The following SNX31 variants were observed in gnomAD, a reference collection of about 807,000 sequenced individuals.
SNX31 encodes the protein sorting nexin-31.
SNX31 carries 58 observed loss-of-function variants against 65.4 expected under a neutral mutation model. The observed-to-expected ratio is 0.89, with a 90% confidence interval of 0.72 to 1.10. SNX31 has a LOEUF of 1.10. Among genes scored for constraint, SNX31 ranks in the 50% least tolerant of loss-of-function variants. The pLI is 0.00. For synonymous variants in SNX31, 181 were observed against 190.1 expected (o/e 0.95, Z 0.39); for missense variants, 523 against 529.7 (o/e 0.99, Z 0.12).
At chr8:100,656,877 A>G in intron 1 of SNX31, among the ~76,000 whole-genome samples, 1 of 152,050 alleles carries the variant, frequency 6.6e-6, no homozygotes, top group Non-Finnish European at 1.5e-5. Context: ...CTTCATGTGT[A>G]ATGGTTGCTG....
At position 100,622,353 on chromosome 8, in the gene SNX31, C is replaced by T. The variant is rs117159484; in HGVS notation, c.322-4623G>A. Reference sequence around the variant, plus strand: ...GAAAAAGAACTAGCATAGTAGCGTCCGCAATGGGGCATTTTCCAGGTGTGG... The same window carrying T: ...GAAAAAGAACTAGCATAGTAGCGTCTGCAATGGGGCATTTTCCAGGTGTGG... On this transcript the variant is annotated intron_variant, in intron 4 of 13. Transcript: ENST00000311812. The surrounding 1 kb of genome is among the most constrained non-coding windows in gnomAD (Gnocchi z 5.0). Among the ~76,000 whole-genome samples, 1,783 of 152,140 alleles carry T rather than the reference C, an allele frequency of 0.012. 21 individuals are homozygous for T. The highest frequency in any genetic ancestry group is 0.016 in the Non-Finnish European group (1,089 of 68,004).
upstream of SNX31, among the ~76,000 whole-genome samples, chr8:100,654,591 C>T (rs548234680): frequency 6.6e-5 from 10 of 152,346 alleles, no homozygotes; most frequent in East Asian, 1.9e-4. Context: ...TGCTGGGAAT[C>T]GAGCCATGGC....
chr8:100,633,219 A>T lies in SNX31; in HGVS notation c.256+2678T>A, dbSNP rs115135634. On this transcript the variant is annotated intron_variant, in intron 3 of 13. Transcript: ENST00000311812. ...GCTGGAATTGCAGGCATGAGCTACC[A>T]TGCCGAGCCTAATTGTTGGTGAAGT... 7.3e-3 allele frequency among the ~76,000 whole-genome samples: 1,104 copies of T among 151,928 alleles called. 16 individuals are homozygous for T. Among genetic ancestry groups the T allele is most frequent in the African/African-American group, 0.025 (1,054 of 41,444 alleles).
chr8:100,639,686 A>G (rs1453612277), intron 2 of SNX31, among the ~76,000 whole-genome samples: 2 of 149,882 alleles, frequency 1.3e-5, no homozygotes, highest in Non-Finnish European at 3.0e-5. Context: ...ATACACACAT[A>G]TATTTCCTTG....
chr8:100,663,239 AC>A (rs35004145), exon 1 of SNX31: 90,540 of 151,898 alleles, frequency 0.6, 29,572 homozygotes, highest in African/African-American at 0.88. Context: ...CTGCGCAGAT[AC>A]CCCCCCCAAT....
At position 100,604,432 on chromosome 8, in the gene SNX31, C is replaced by T. The variant is rs926185551; in HGVS notation, c.682-3991G>A. ...GCCGGCACTGGCCACTCGGCTCTGG[C>T]GAAAGCATGGTGGAGAAGGGCAAGG... On this transcript the variant is annotated intron_variant, in intron 8 of 13. Transcript: ENST00000311812. The surrounding 1 kb of genome is among the most constrained non-coding windows in gnomAD (Gnocchi z 4.3). Among the ~76,000 whole-genome samples the T allele has an allele frequency of 4.6e-5, 7 of 152,288 alleles. No individual in the cohort carries two copies. Among genetic ancestry groups the T allele is most frequent in the South Asian group, 2.1e-4 (1 of 4,820 alleles).
At chr8:100,634,720 G>T (rs1338129121) in intron 3 of SNX31, among the ~76,000 whole-genome samples, 1 of 150,412 alleles carries the variant, frequency 6.6e-6, no homozygotes, top group African/African-American at 2.5e-5. Context: ...CTGCACTCCA[G>T]CCTGGGCGAC....
intron 2 of SNX31, among the ~76,000 whole-genome samples, chr8:100,639,137 C>G (rs1263519595): frequency 6.6e-6 from 1 of 152,154 alleles, no homozygotes; most frequent in East Asian, 1.9e-4. Flanking sequence ...ATGCATGACA[C>G]TATGCATTAG....
At chr8:100,644,599 G>C (rs1308689941) in intron 2 of SNX31, among the ~76,000 whole-genome samples, 1 of 152,226 alleles carries the variant, frequency 6.6e-6, no homozygotes, top group African/African-American at 2.4e-5. Context: ...GAGGATGACA[G>C]AGGGCGCAGG....
At chr8:100,623,541 T>C (rs1260778133) in intron 4 of SNX31, among the ~76,000 whole-genome samples, 2 of 152,118 alleles carry the variant, frequency 1.3e-5, no homozygotes, top group Non-Finnish European at 2.9e-5. Context: ...CACTTCCTAT[T>C]AGTCACAGAG....
At position 100,588,831 on chromosome 8, in the gene SNX31, A is replaced by C. The variant is rs201230851; in HGVS notation, c.1092+35T>G. 6.7e-7 allele frequency: 1 copy of C among 1,490,008 alleles called. No homozygotes were observed. The highest frequency in any genetic ancestry group is 1.4e-5 in the African/African-American group (1 of 72,472). The allele number at this position is 1,490,008 out of a possible 1,614,324, so 92.3% of individuals were successfully genotyped here. ...CCAGCAAGCAAGACAGCATTTCAGCACAGAGGGTGTTCAAGGTCTGCCCTG... is the reference window on the plus strand; with the variant it reads ...CCAGCAAGCAAGACAGCATTTCAGCCCAGAGGGTGTTCAAGGTCTGCCCTG... On this transcript the variant is annotated intron_variant, in intron 11 of 13. Coordinates refer to ENST00000311812, the MANE Select transcript of SNX31 (RefSeq NM_152628.4). The surrounding 1 kb of genome is among the most constrained non-coding windows in gnomAD (Gnocchi z 4.8).
At chr8:100,657,601 T>G in intron 1 of SNX31, 1 of 449,928 alleles carries the variant, frequency 2.2e-6, no homozygotes. Flanking sequence ...GAGTCCAGAC[T>G]GTGCTTGGAT....
intron 4 of SNX31, among the ~76,000 whole-genome samples, chr8:100,627,837 A>C (rs2093486303): frequency 6.6e-6 from 1 of 152,190 alleles, no homozygotes; most frequent in South Asian, 2.1e-4. Flanking sequence ...GCACCCGGGC[A>C]TTAAAAAGCA....
intron 12 of SNX31, among the ~76,000 whole-genome samples, chr8:100,583,158 A>G (rs1410139171): frequency 6.6e-6 from 1 of 150,666 alleles, no homozygotes; most frequent in African/African-American, 2.4e-5. Flanking sequence ...CCAGGCTGGA[A>G]TGTAATGGTG....
In SNX31 at chr8:100,614,863, G is replaced by C. The variant is rs370498519; in HGVS notation, c.433-1778C>G. ...CATTGCATTCCAGCCTAGGCAACAA[G>C]AGTGAAACTCCATTTCAAAACAACA... On this transcript the variant is annotated intron_variant, in intron 5 of 13. Transcript: ENST00000311812. This position sits in a 1 kb window ranked among gnomAD's most constrained non-coding sequence, Gnocchi z 5.1. Among the ~76,000 whole-genome samples, 47 of 152,152 alleles carry C rather than the reference G, an allele frequency of 3.1e-4. No homozygotes were observed. Among genetic ancestry groups the C allele is most frequent in the African/African-American group, 1.0e-3 (43 of 41,420 alleles).
At chr8:100,663,145 T>A (rs901340565) in exon 1 of SNX31, 1 of 152,244 alleles carries the variant, frequency 6.6e-6, no homozygotes, top group African/African-American at 2.4e-5. Context: ...AACCTACCTT[T>A]CGCGCAGCGC....
intron 2 of SNX31, among the ~76,000 whole-genome samples, chr8:100,638,713 C>T (rs577039239): frequency 7.3e-4 from 111 of 152,280 alleles, no homozygotes; most frequent in African/African-American, 2.4e-3. Context: ...TATAATCCAG[C>T]GATAAATACC....
chr8:100,652,932 A>G (rs1819999954), upstream of SNX31, among the ~76,000 whole-genome samples: 1 of 152,180 alleles, frequency 6.6e-6, no homozygotes, highest in Non-Finnish European at 1.5e-5. Context: ...CCCAACAGTC[A>G]AGGCTGTGGC....
At chr8:100,650,417 G>T (rs572553253), upstream of SNX31, among the ~76,000 whole-genome samples, 16 of 152,250 alleles carry the variant, frequency 1.1e-4, no homozygotes, top group South Asian at 2.9e-3. Flanking sequence ...AACAGGCCCA[G>T]GGGGTGGAGG....
Sources: gnomAD v4.1 joint callset for allele counts (sites outside exome capture counted in the v4.1 genomes callset) on GRCh38, gnomAD v4.1.1 for gene constraint, Gnocchi (gnomAD v3.1) non-coding constraint, MANE v1.5 for transcripts, NCBI Gene and HGNC (gene_info 2026-07-23, HGNC 2026-07-21) for gene names.